Variants in SLC24A3 observed in about 807,000 individuals in gnomAD.
SLC24A3 encodes sodium/potassium/calcium exchanger 3.
In SLC24A3, 28 loss-of-function variants were observed where a neutral mutation model predicts 75.8. The ratio of observed to expected loss-of-function variants is 0.37; its 90% CI spans 0.27 to 0.51. The LOEUF is 0.51. Among genes scored for constraint, SLC24A3 ranks in the 20% least tolerant of loss-of-function variants. The pLI is 0.94. For missense variants in SLC24A3, 663 were observed against 847.8 expected (o/e 0.78, Z 2.71); for synonymous variants, 372 against 334.1 (o/e 1.11, Z -1.24).
chr20:19,214,673 G>A (rs562197122), intron 1 of SLC24A3, among the ~76,000 whole-genome samples: 6 of 152,102 alleles, frequency 3.9e-5, no homozygotes, highest in African/African-American at 1.4e-4. Flanking sequence ...CTGGGATTTG[G>A]GAGGAGAGGA....
intron 2 of SLC24A3, among the ~76,000 whole-genome samples, chr20:19,334,483 C>T (rs1985080707): frequency 6.6e-6 from 1 of 151,686 alleles, no homozygotes; most frequent in Non-Finnish European, 1.5e-5. Flanking sequence ...TTTTTCTGAG[C>T]TCTCATATAT....
intron 2 of SLC24A3, among the ~76,000 whole-genome samples, chr20:19,286,687 C>A (rs1983826892): frequency 6.6e-6 from 1 of 152,204 alleles, no homozygotes; most frequent in Non-Finnish European, 1.5e-5. Flanking sequence ...TCGAGTAGCA[C>A]TGTCCAGTAG....
chr20:19,706,033 A>G (rs1460916592), intron 15 of SLC24A3, among the ~76,000 whole-genome samples: 1 of 152,206 alleles, frequency 6.6e-6, no homozygotes, highest in Admixed American at 6.5e-5. Context: ...GGCAAAACTC[A>G]TATTTCTAGC....
intron 2 of SLC24A3, among the ~76,000 whole-genome samples, chr20:19,318,057 C>T (rs1600426330): frequency 6.6e-6 from 1 of 152,196 alleles, no homozygotes; most frequent in East Asian, 1.9e-4. Flanking sequence ...ACCTCTGGAG[C>T]AGCCCTCAAC....
At position 19,685,339 on chromosome 20, in the gene SLC24A3, G is replaced by A. The variant is rs368548348; in HGVS notation, c.1302G>A (p.Pro434=). The A allele has an allele frequency of 2.1e-4, 336 of 1,614,060 alleles. 2 individuals are homozygous for A. In the South Asian group the frequency reaches 2.6e-3, roughly 12 times the overall value. Residue 434 remains proline (P), a synonymous_variant, in exon 12 of 17, where the codon CCG becomes CCA. Transcript: ENST00000328041. The part of the protein sequence containing the change: ...EEEDEDDDEG[P]YTPFDTPSGK... ...AGGACGAGGATGATGATGAAGGACC[G>A]TACACACCATTCGACACCCCCTGTA...
At chr20:19,642,641 C>A (rs1467211829) in intron 6 of SLC24A3, among the ~76,000 whole-genome samples, 1 of 152,204 alleles carries the variant, frequency 6.6e-6, no homozygotes, top group Non-Finnish European at 1.5e-5. Flanking sequence ...GATTACCTTT[C>A]TGATCCTGTG....
At chr20:19,388,717 T>TA (rs1986315984) in intron 2 of SLC24A3, among the ~76,000 whole-genome samples, 1 of 152,238 alleles carries the variant, frequency 6.6e-6, no homozygotes, top group Non-Finnish European at 1.5e-5. Flanking sequence ...TTTTAGTTCC[T>TA]ATTTGCATGG....
At chr20:19,516,001 C>A (rs1237010385) in intron 3 of SLC24A3, among the ~76,000 whole-genome samples, 1 of 152,232 alleles carries the variant, frequency 6.6e-6, no homozygotes, top group Non-Finnish European at 1.5e-5. Flanking sequence ...CACACGTAAG[C>A]CCCATGAGAA....
intron 2 of SLC24A3, among the ~76,000 whole-genome samples, chr20:19,360,112 C>G (rs1205224617): frequency 6.6e-6 from 1 of 152,166 alleles, no homozygotes; most frequent in South Asian, 2.1e-4. Context: ...AGTGCTAACA[C>G]CGTGCTAATA....
chr20:19,563,936 C>T (rs2122613904), intron 3 of SLC24A3, among the ~76,000 whole-genome samples: 1 of 152,234 alleles, frequency 6.6e-6, no homozygotes, highest in Admixed American at 6.5e-5. Flanking sequence ...GGTTTCTTAC[C>T]AACCTTGAAG....
At chr20:19,375,247 G>C (rs932223721) in intron 2 of SLC24A3, among the ~76,000 whole-genome samples, 5 of 152,158 alleles carry the variant, frequency 3.3e-5, no homozygotes, top group Non-Finnish European at 7.3e-5. Flanking sequence ...AGTTCGCCAG[G>C]CTCCTTAGGG....
At chr20:19,605,846 C>T (rs1207952280) in intron 6 of SLC24A3, among the ~76,000 whole-genome samples, 1 of 152,128 alleles carries the variant, frequency 6.6e-6, no homozygotes, top group Non-Finnish European at 1.5e-5. Context: ...CTAACTCCTC[C>T]ACTCAAGAGG....
At chr20:19,450,891 A>G (rs886440546) in intron 2 of SLC24A3, among the ~76,000 whole-genome samples, 1 of 152,144 alleles carries the variant, frequency 6.6e-6, no homozygotes, top group African/African-American at 2.4e-5. Flanking sequence ...CCCAGCTACT[A>G]AGGAGACTGA....
At chr20:19,662,835 A>T (rs2032345030) in intron 7 of SLC24A3, among the ~76,000 whole-genome samples, 1 of 152,126 alleles carries the variant, frequency 6.6e-6, no homozygotes, top group South Asian at 2.1e-4. Flanking sequence ...AGTGAAAGGA[A>T]CCTCATCCTT....
At chr20:19,607,914 G>A (rs1413409603) in intron 6 of SLC24A3, among the ~76,000 whole-genome samples, 1 of 152,142 alleles carries the variant, frequency 6.6e-6, no homozygotes, top group African/African-American at 2.4e-5. Flanking sequence ...TCTTTCCCCT[G>A]TCCATATCTA....
intron 2 of SLC24A3, among the ~76,000 whole-genome samples, chr20:19,458,016 C>T (rs1600237554): frequency 6.6e-6 from 1 of 152,166 alleles, no homozygotes; most frequent in South Asian, 2.1e-4. Flanking sequence ...GTTAAACTTA[C>T]TCTACAGTTT....
chr20:19,525,562 G>T (rs117553064), intron 3 of SLC24A3, among the ~76,000 whole-genome samples: 2 of 152,126 alleles, frequency 1.3e-5, no homozygotes, highest in Non-Finnish European at 2.9e-5. Context: ...GGGAGGAGGG[G>T]CATCTATCCA....
intron 1 of SLC24A3, among the ~76,000 whole-genome samples, chr20:19,277,885 T>G (rs912696781): frequency 1.3e-5 from 2 of 152,226 alleles, no homozygotes; most frequent in African/African-American, 4.8e-5. Context: ...TTTTAAATCT[T>G]TGGGGTCTTC....
chr20:19,316,213 T>C (rs1481390169), intron 2 of SLC24A3, among the ~76,000 whole-genome samples: 4 of 152,174 alleles, frequency 2.6e-5, no homozygotes, highest in Admixed American at 2.0e-4. Context: ...AATCCCAAGA[T>C]GAACCATCAA....
Sources: gnomAD v4.1 joint callset for allele counts (sites outside exome capture counted in the v4.1 genomes callset) on GRCh38, gnomAD v4.1.1 for gene constraint, MANE v1.5 for transcripts, NCBI Gene and HGNC (gene_info 2026-07-23, HGNC 2026-07-21) for gene names.